XXYLT1: variants seen among roughly 807,000 people sequenced by gnomAD.
XXYLT1 encodes the protein xyloside xylosyltransferase 1, also known as UDP-xylose:alpha-xyloside alpha-1,3-xylosyltransferase.
Under a neutral mutation model 28.9 loss-of-function variants are expected in XXYLT1, and 20 were observed. The observed-to-expected ratio is 0.69, with a 90% CI of 0.49 to 1.00. The LOEUF (loss-of-function observed/expected upper bound fraction) is 1.00, where lower values mean the gene tolerates loss of function less well. XXYLT1 is among the 50% of genes least tolerant of loss of function. The pLI is 0.00. For missense variants in XXYLT1, 542 were observed against 560.1 expected, an observed-to-expected ratio of 0.97 and a Z score of 0.33; for synonymous variants, 257 against 253.8, an observed-to-expected ratio of 1.01 and a Z score of -0.12.
Position 195,111,889 on chromosome 3 carries a change from C to G in XXYLT1, c.786-41778G>C, listed in dbSNP as rs373129392. On this transcript the variant is annotated intron_variant, in intron 3 of 3. Coordinates refer to ENST00000310380, the MANE Select transcript of XXYLT1 (RefSeq NM_152531.5). ...TGGCCTTCGGAAAAATATGTAAATA[C>G]AAGATCATTTGCTCGCCCCAATCGT... Among the ~76,000 whole-genome samples, 104 of 152,276 alleles carry G rather than the reference C, an allele frequency of 6.8e-4. 1 individual carries two copies. In the South Asian group the frequency reaches 0.021, roughly 31 times the overall value.
chr3:195,134,850 T>A (rs557511760), intron 3 of XXYLT1, among the ~76,000 whole-genome samples: 1 of 128,790 alleles, frequency 7.8e-6, no homozygotes, highest in African/African-American at 3.1e-5. Context: ...TGTGTGTGTG[T>A]GTGTGTGTGT....
Position 195,076,476 on chromosome 3 carries a change from A to G in XXYLT1, c.786-6365T>C, listed in dbSNP as rs1257388436. On this transcript the variant is annotated intron_variant, in intron 3 of 3. Coordinates refer to ENST00000310380, the MANE Select transcript of XXYLT1 (RefSeq NM_152531.5). This position sits in a 1 kb window ranked among gnomAD's most constrained non-coding sequence, Gnocchi z 5.3. ...ACTGGGGTGGCTACTAGACAAGCCA[A>G]GCATTCTGGAGAGTTGCCCCTGTTA... Among the ~76,000 whole-genome samples the G allele has an allele frequency of 6.6e-6, 1 of 152,162 alleles. No individual in the cohort carries two copies. The highest frequency in any genetic ancestry group is 1.5e-5 in the Non-Finnish European group (1 of 68,022).
At chr3:195,214,291 A>G (rs1723460810) in intron 2 of XXYLT1, among the ~76,000 whole-genome samples, 1 of 152,142 alleles carries the variant, frequency 6.6e-6, no homozygotes, top group Non-Finnish European at 1.5e-5. Flanking sequence ...GGGTCCTGGA[A>G]TCACATTCTA....
intron 3 of XXYLT1, among the ~76,000 whole-genome samples, chr3:195,073,677 A>G (rs566126005): frequency 1.4e-4 from 21 of 152,284 alleles, no homozygotes; most frequent in African/African-American, 5.1e-4. Flanking sequence ...CCTGGTAAAT[A>G]TTGGGTCTTT....
chr3:195,208,275 G>A (rs753010828), intron 2 of XXYLT1, among the ~76,000 whole-genome samples: 1 of 151,924 alleles, frequency 6.6e-6, no homozygotes, highest in Non-Finnish European at 1.5e-5. Context: ...AAGTTGTGAG[G>A]GCAAACCGCA....
rs571116344 is a variant in XXYLT1 at position 195,141,764 on chromosome 3, C to T, written c.785+14685G>A. On this transcript the variant is annotated intron_variant, in intron 3 of 3. Coordinates refer to ENST00000310380, the MANE Select transcript of XXYLT1 (RefSeq NM_152531.5). The stretch of plus-strand genomic sequence containing the variant: ...TCTCCACTGTGTGGGTCATCTCTCC[C>T]AATGGCCACCTGTGTAAAGGTACCC... Among the ~76,000 whole-genome samples the T allele has an allele frequency of 1.4e-4, 21 of 152,340 alleles. No homozygotes were observed. The East Asian group carries it at 3.3e-3, about 24-fold the overall frequency.
intron 3 of XXYLT1, among the ~76,000 whole-genome samples, chr3:195,134,215 A>T (rs13313989): frequency 5.7e-4 from 87 of 152,332 alleles, no homozygotes; most frequent in African/African-American, 1.9e-3. Flanking sequence ...ATTTTTGAAG[A>T]AAGAACATTT....
chr3:195,220,107 C>T (rs551695364), intron 2 of XXYLT1, among the ~76,000 whole-genome samples: 66 of 152,076 alleles, frequency 4.3e-4, no homozygotes, highest in Middle Eastern at 3.4e-3. Context: ...GAGGCTGGGG[C>T]GGATATATGA....
At chr3:195,073,239 AG>A (rs1714927513) in intron 3 of XXYLT1, among the ~76,000 whole-genome samples, 1 of 152,218 alleles carries the variant, frequency 6.6e-6, no homozygotes, top group Non-Finnish European at 1.5e-5. Flanking sequence ...GGCCGAGGCC[AG>A]GGGACAGGGT....
chr3:195,118,788 C>G (rs928752385), intron 3 of XXYLT1, among the ~76,000 whole-genome samples: 2 of 152,178 alleles, frequency 1.3e-5, no homozygotes, highest in African/African-American at 2.4e-5. Flanking sequence ...ACAGCTTTCA[C>G]GGGTAAAGAT....
Position 195,194,577 on chromosome 3 carries a change from G to A in XXYLT1, c.652+32132C>T, listed in dbSNP as rs114075501. Among the ~76,000 whole-genome samples the A allele has an allele frequency of 5.6e-3, 853 of 152,172 alleles. 5 individuals are homozygous for A. The highest frequency in any genetic ancestry group is 8.2e-3 in the Non-Finnish European group (558 of 68,006). On this transcript the variant is annotated intron_variant, in intron 2 of 3. Coordinates refer to ENST00000310380, the MANE Select transcript of XXYLT1 (RefSeq NM_152531.5). ...CTACTCCTAGGAATTTACCCAATAA[G>A]AATGAAAATATATGTTCACACAAAG... is the stretch of plus-strand genomic sequence containing the variant.
intron 3 of XXYLT1, among the ~76,000 whole-genome samples, chr3:195,088,291 C>G (rs1416835749): frequency 4.7e-5 from 7 of 149,164 alleles, no homozygotes; most frequent in South Asian, 4.3e-4. Flanking sequence ...CCCTGTCTGA[C>G]AGCTTTGAAG....
At chr3:195,268,121 A>G (rs772870076) in intron 1 of XXYLT1, among the ~76,000 whole-genome samples, 30 of 151,826 alleles carry the variant, frequency 2.0e-4, no homozygotes, top group Non-Finnish European at 4.0e-4. Context: ...AATTCTTATC[A>G]AAAACAAAAC....
intron 3 of XXYLT1, among the ~76,000 whole-genome samples, chr3:195,075,783 C>T (rs532999854): frequency 3.9e-5 from 6 of 152,244 alleles, no homozygotes; most frequent in Non-Finnish European, 8.8e-5. Context: ...TTTCAAACCC[C>T]AGCCCTCTTT....
At chr3:195,104,861 T>G (rs1454394325) in intron 3 of XXYLT1, among the ~76,000 whole-genome samples, 1 of 152,130 alleles carries the variant, frequency 6.6e-6, no homozygotes, top group Non-Finnish European at 1.5e-5. Flanking sequence ...CAGTTTGCAG[T>G]CCCTTTCCCA....
Position 195,124,647 on chromosome 3 carries a change from G to T in XXYLT1, c.785+31802C>A, listed in dbSNP as rs1345339854. Among the ~76,000 whole-genome samples the T allele has an allele frequency of 6.6e-6, 1 of 152,288 alleles. No individual in the cohort carries two copies. Among genetic ancestry groups the T allele is most frequent in the Middle Eastern group, 3.4e-3 (1 of 294 alleles). ...TTTGCTGACAGACTGATAAACTAAT[G>T]AGCACATGCCTTACTGTCAACTTCC... On this transcript the variant is annotated intron_variant, in intron 3 of 3. Transcript: ENST00000310380. The surrounding 1 kb of genome is among the most constrained non-coding windows in gnomAD (Gnocchi z 4.1).
At chr3:195,213,830 C>G (rs183664146) in intron 2 of XXYLT1, among the ~76,000 whole-genome samples, 4 of 152,340 alleles carry the variant, frequency 2.6e-5, no homozygotes, top group Non-Finnish European at 5.9e-5. Context: ...CCCACCACCC[C>G]GGTGAGGCCT....
chr3:195,076,064 C>T lies in XXYLT1; in HGVS notation c.786-5953G>A, dbSNP rs1438405363. Among the ~76,000 whole-genome samples the T allele has an allele frequency of 6.6e-6, 1 of 152,210 alleles. No individual in the cohort carries two copies. Among genetic ancestry groups the T allele is most frequent in the Non-Finnish European group, 1.5e-5 (1 of 68,034 alleles). On this transcript the variant is annotated intron_variant, in intron 3 of 3. Transcript: ENST00000310380. This position sits in a 1 kb window ranked among gnomAD's most constrained non-coding sequence, Gnocchi z 5.3. The stretch of plus-strand genomic sequence containing the variant: ...CCTCCCCTCCAGAAAGAACCAGCAC[C>T]ACGGCCTCCGCCTCCTGGAGCCTCT...
intron 2 of XXYLT1, among the ~76,000 whole-genome samples, chr3:195,185,178 G>A (rs1381476064): frequency 1.3e-5 from 2 of 152,076 alleles, no homozygotes; most frequent in African/African-American, 2.4e-5. Context: ...GGAAAGGAAA[G>A]GGGAAGGAAC....
Sources: allele counts gnomAD v4.1 joint callset (sites outside exome capture counted in the v4.1 genomes callset), GRCh38; gene constraint gnomAD v4.1.1; non-coding constraint Gnocchi (gnomAD v3.1); transcripts MANE v1.5; gene names NCBI Gene and HGNC (gene_info 2026-07-23, HGNC 2026-07-21).